PHACTR3: variants seen among roughly 807,000 people sequenced by gnomAD.
PHACTR3 encodes the protein phosphatase and actin regulator 3.
Under a neutral mutation model 66.8 loss-of-function variants are expected in PHACTR3, and 16 were observed. The observed-to-expected ratio is 0.24, with a 90% CI of 0.16 to 0.36. PHACTR3 has a LOEUF of 0.36. Ranked by LOEUF, PHACTR3 falls within the 10% of genes least tolerant of loss-of-function variation. The pLI is 1.00. For synonymous variants in PHACTR3, 323 were observed against 292.1 expected, an observed-to-expected ratio of 1.11 and a Z score of -1.08; for missense variants, 647 against 719.9, an observed-to-expected ratio of 0.90 and a Z score of 1.16.
chr20:59,805,906 T>C, intron 7 of PHACTR3, 135 bp from the exon 8 acceptor site: 1 of 936,940 alleles, frequency 1.1e-6, no homozygotes, highest in Non-Finnish European at 1.6e-6. Context: ...GTGTGTCCTC[T>C]CAGTTCTAGC....
intron 3 of PHACTR3, among the ~76,000 whole-genome samples, chr20:59,749,301 A>T (rs1020362111): frequency 1.3e-4 from 17 of 127,274 alleles, no homozygotes; most frequent in Non-Finnish European, 2.3e-4. Flanking sequence ...CATCTATTCT[A>T]AAAAAAACAC....
chr20:59,652,714 C>T (rs975688779), intron 1 of PHACTR3, among the ~76,000 whole-genome samples: 7 of 151,624 alleles, frequency 4.6e-5, no homozygotes, highest in African/African-American at 7.3e-5. Flanking sequence ...ATTTTTTCAT[C>T]GAGATTAGCA....
intron 4 of PHACTR3, among the ~76,000 whole-genome samples, chr20:59,765,629 A>G (rs956036724): frequency 6.6e-6 from 1 of 152,244 alleles, no homozygotes; most frequent in South Asian, 2.1e-4. Flanking sequence ...GAAACTAATG[A>G]TAGCTAATGG....
chr20:59,647,430 GT>G (rs899441850), intron 1 of PHACTR3, among the ~76,000 whole-genome samples: 1 of 152,164 alleles, frequency 6.6e-6, no homozygotes, highest in African/African-American at 2.4e-5. Context: ...CCAGTGTGGA[GT>G]TTAGGGTACC....
At chr20:59,610,323 GA>G (rs964777030) in intron 1 of PHACTR3, among the ~76,000 whole-genome samples, 1 of 152,164 alleles carries the variant, frequency 6.6e-6, no homozygotes, top group Non-Finnish European at 1.5e-5. Context: ...AATGACAATG[GA>G]CCCCTTTGTC....
At chr20:59,606,954 G>A (rs999852016) in intron 1 of PHACTR3, among the ~76,000 whole-genome samples, 3 of 152,178 alleles carry the variant, frequency 2.0e-5, no homozygotes, top group South Asian at 2.1e-4. Flanking sequence ...AAAGCACCAA[G>A]CAATTAAGTA....
At chr20:59,659,248 G>A (rs1033261589) in intron 1 of PHACTR3, among the ~76,000 whole-genome samples, 4 of 151,732 alleles carry the variant, frequency 2.6e-5, no homozygotes, top group Non-Finnish European at 5.9e-5. Flanking sequence ...GCTTCTTCAG[G>A]CATCATAGTT....
chr20:59,603,143 C>T (rs1367037962), upstream of PHACTR3, among the ~76,000 whole-genome samples: 1 of 152,202 alleles, frequency 6.6e-6, no homozygotes, highest in Non-Finnish European at 1.5e-5. Context: ...CCACCAGTTT[C>T]CTCTTTGTTT....
rs1036636233 is a variant in PHACTR3, at chr20:59,829,640, G to A, written c.1329-6865G>A. 5.3e-5 allele frequency among the ~76,000 whole-genome samples: 8 copies of A among 152,186 alleles called. No homozygotes were observed. The highest frequency in any genetic ancestry group is 1.9e-4 in the East Asian group (1 of 5,178). On this transcript the variant is annotated intron_variant, in intron 8 of 12. Coordinates refer to ENST00000371015, the MANE Select transcript of PHACTR3 (RefSeq NM_080672.5). This position sits in a 1 kb window ranked among gnomAD's most constrained non-coding sequence, Gnocchi z 4.2. ...GGAATCCCATCTCCAGGCGGGGGCC[G>A]CCAGCTTTTCTCAGTGACTCAAGGC...
At chr20:59,656,932 C>A (rs534613750) in intron 1 of PHACTR3, among the ~76,000 whole-genome samples, 1 of 151,796 alleles carries the variant, frequency 6.6e-6, no homozygotes, top group Non-Finnish European at 1.5e-5. Context: ...TTTCTTCTAC[C>A]TCATTTTTGC....
At chr20:59,645,037 C>T (rs550528798) in intron 1 of PHACTR3, among the ~76,000 whole-genome samples, 4 of 151,996 alleles carry the variant, frequency 2.6e-5, no homozygotes, top group South Asian at 2.1e-4. Flanking sequence ...CTTTCTCTTT[C>T]GGAGTCCCCT....
intron 8 of PHACTR3, among the ~76,000 whole-genome samples, chr20:59,824,442 C>T (rs958937344): frequency 2.6e-5 from 4 of 152,210 alleles, no homozygotes; most frequent in South Asian, 2.1e-4. Context: ...TCTATATTCA[C>T]GTTTATTCCC....
chr20:59,652,296 G>C (rs1323622393), intron 1 of PHACTR3, among the ~76,000 whole-genome samples: 1 of 152,166 alleles, frequency 6.6e-6, no homozygotes, highest in Non-Finnish European at 1.5e-5. Context: ...CCAGCACTTT[G>C]GGGTGGGGGC....
intron 11 of PHACTR3, among the ~76,000 whole-genome samples, chr20:59,843,092 A>T (rs1253002238): frequency 6.6e-6 from 1 of 152,126 alleles, no homozygotes; most frequent in Non-Finnish European, 1.5e-5. Flanking sequence ...CTAGCTAAGA[A>T]AGAAATCAAG....
intron 12 of PHACTR3, among the ~76,000 whole-genome samples, chr20:59,846,717 T>C (rs1600770274): frequency 2.6e-5 from 4 of 152,298 alleles, no homozygotes; most frequent in African/African-American, 9.6e-5. Context: ...GTATTTTTGG[T>C]TATGAGATTT....
intron 1 of PHACTR3, among the ~76,000 whole-genome samples, chr20:59,649,560 A>G (rs1256050039): frequency 2.0e-5 from 3 of 152,202 alleles, no homozygotes; most frequent in Non-Finnish European, 4.4e-5. Flanking sequence ...TTGGTTTTGA[A>G]GAAGAGCTTC....
intron 1 of PHACTR3, among the ~76,000 whole-genome samples, chr20:59,639,530 C>G (rs2035025682): frequency 6.6e-6 from 1 of 152,208 alleles, no homozygotes; most frequent in Admixed American, 6.5e-5. Flanking sequence ...TGGACCTCTT[C>G]TGGGCTGGCC....
intron 1 of PHACTR3, among the ~76,000 whole-genome samples, chr20:59,632,312 G>T (rs192787491): frequency 2.0e-5 from 3 of 152,270 alleles, no homozygotes; most frequent in Admixed American, 6.5e-5. Context: ...CTCTGTCCAC[G>T]TGGAATTGAC....
intron 1 of PHACTR3, among the ~76,000 whole-genome samples, chr20:59,698,152 C>T (rs2037368072): frequency 6.6e-6 from 1 of 152,170 alleles, no homozygotes; most frequent in Non-Finnish European, 1.5e-5. Flanking sequence ...CAATGGGACA[C>T]TTGGCAATAG....
Sources: gnomAD v4.1 joint callset for allele counts (sites outside exome capture counted in the v4.1 genomes callset) on GRCh38, gnomAD v4.1.1 for gene constraint, Gnocchi (gnomAD v3.1) non-coding constraint, MANE v1.5 for transcripts, NCBI Gene and HGNC (gene_info 2026-07-23, HGNC 2026-07-21) for gene names.